PDZRN3: variants seen among roughly 807,000 people sequenced by gnomAD.
The protein encoded by PDZRN3 is E3 ubiquitin-protein ligase PDZRN3.
In PDZRN3, 38 loss-of-function variants were observed where a neutral mutation model predicts 85.7. That is an observed-to-expected ratio of 0.44 (90% CI 0.34 to 0.58). PDZRN3 has a LOEUF of 0.58. Among genes scored for constraint, PDZRN3 ranks in the 20% least tolerant of loss-of-function variants. The pLI is 0.01. For synonymous variants in PDZRN3, 759 were observed against 638.0 expected (o/e 1.19, Z -2.86); for missense variants, 1,629 against 1,506.4 (o/e 1.08, Z -1.35).
At chr3:73,613,387 G>GA (rs1702713164) in intron 1 of PDZRN3, among the ~76,000 whole-genome samples, 1 of 152,110 alleles carries the variant, frequency 6.6e-6, no homozygotes, top group Non-Finnish European at 1.5e-5. Flanking sequence ...AAGGGGAAGG[G>GA]AAACAGATTT....
chr3:73,419,531 T>G (rs1244132669), intron 3 of PDZRN3, among the ~76,000 whole-genome samples: 1 of 152,220 alleles, frequency 6.6e-6, no homozygotes, highest in East Asian at 1.9e-4. Context: ...ACGCGGTGTT[T>G]TTCTTTAGTT....
chr3:73,611,936 A>G (rs569039802), intron 1 of PDZRN3, among the ~76,000 whole-genome samples: 114 of 152,274 alleles, frequency 7.5e-4, no homozygotes, highest in African/African-American at 2.6e-3. Context: ...CATCCCACCA[A>G]TTGAAAAGAG....
chr3:73,383,981 G>A lies in PDZRN3; in HGVS notation c.2585C>T (p.Ser862Phe). ...SQKLGSAYLP[S>F]YHHSPYKHAH... ...GTGCTTGTATGGGGAGTGGTGATAG[G>A]AGGGCAGGTAGGCGCTGCCCAGCTT... The change falls in exon 10 of 10, where the codon TCC becomes TTC. Residue 862 changes from serine to phenylalanine, a missense_variant. By Grantham distance (155) the Ser-to-Phe change is radical (BLOSUM62 -2). Transcript: ENST00000263666. 5 of 1,593,976 alleles carry A rather than the reference G, an allele frequency of 3.1e-6. No individual in the cohort carries two copies. The highest frequency in any genetic ancestry group is 4.3e-6 in the Non-Finnish European group (5 of 1,171,598).
At chr3:73,437,748 T>A (rs1575653963) in intron 3 of PDZRN3, among the ~76,000 whole-genome samples, 1 of 152,318 alleles carries the variant, frequency 6.6e-6, no homozygotes, top group South Asian at 2.1e-4. Flanking sequence ...ACCCTTTACT[T>A]TGGAAAATCA....
intron 3 of PDZRN3, among the ~76,000 whole-genome samples, chr3:73,520,155 T>A (rs908128497): frequency 7.9e-5 from 12 of 152,126 alleles, no homozygotes; most frequent in African/African-American, 2.9e-4. Flanking sequence ...AACAGAGAGC[T>A]ATATCAAACT....
intron 3 of PDZRN3, among the ~76,000 whole-genome samples, chr3:73,484,269 AG>A (rs1703621850): frequency 6.6e-6 from 1 of 152,226 alleles, no homozygotes. Flanking sequence ...CATATACCTT[AG>A]GTTTGAGGTA....
At chr3:73,451,377 G>A (rs187144225) in intron 3 of PDZRN3, among the ~76,000 whole-genome samples, 11 of 152,224 alleles carry the variant, frequency 7.2e-5, no homozygotes, top group African/African-American at 2.6e-4. Context: ...AAGTCTTTTG[G>A]ATGCAAATAT....
At chr3:73,607,094 G>T (rs1702612247) in intron 2 of PDZRN3, among the ~76,000 whole-genome samples, 1 of 152,086 alleles carries the variant, frequency 6.6e-6, no homozygotes, top group African/African-American at 2.4e-5. Flanking sequence ...TCCAGGCCTT[G>T]TATGAGCGCC....
intron 3 of PDZRN3, among the ~76,000 whole-genome samples, chr3:73,557,950 A>G (rs1166626400): frequency 2.6e-5 from 4 of 152,202 alleles, no homozygotes; most frequent in African/African-American, 9.6e-5. Flanking sequence ...AAGAAAAAAC[A>G]CACCAAAATC....
chr3:73,386,847 A>ACTGT (rs10651337), intron 8 of PDZRN3, among the ~76,000 whole-genome samples: 8,635 of 114,862 alleles, frequency 0.075, 805 homozygotes, highest in African/African-American at 0.25. Context: ...CCCGTATGCC[A>ACTGT]CTGTCTGTCT....
chr3:73,610,439 T>C (rs1189161354), intron 1 of PDZRN3, among the ~76,000 whole-genome samples: 2 of 152,210 alleles, frequency 1.3e-5, no homozygotes, highest in Admixed American at 1.3e-4. Context: ...AACAAGTTAA[T>C]AGGCAATAAC....
At position 73,474,168 on chromosome 3, in the gene PDZRN3, C is replaced by T. The variant is rs892269977; in HGVS notation, c.919-69773G>A. Among the ~76,000 whole-genome samples the T allele has an allele frequency of 1.1e-4, 17 of 152,256 alleles. No homozygotes were observed. In the East Asian group the frequency reaches 2.9e-3, roughly 26 times the overall value. Reference sequence around the variant, plus strand: ...GGGAAAACACACATTAATTTTGCTCCCACTGCCACGTTGATAGGCACTTTC... The same window carrying T: ...GGGAAAACACACATTAATTTTGCTCTCACTGCCACGTTGATAGGCACTTTC... On this transcript the variant is annotated intron_variant, in intron 3 of 9. Transcript: ENST00000263666.
chr3:73,413,095 C>A (rs1197226362), intron 3 of PDZRN3, among the ~76,000 whole-genome samples: 2 of 152,186 alleles, frequency 1.3e-5, no homozygotes, highest in Non-Finnish European at 2.9e-5. Flanking sequence ...TGGCACAGTG[C>A]CCAATGTCAG....
At chr3:73,408,963 A>T (rs1701911017) in intron 3 of PDZRN3, among the ~76,000 whole-genome samples, 1 of 152,232 alleles carries the variant, frequency 6.6e-6, no homozygotes, top group African/African-American at 2.4e-5. Flanking sequence ...TGGCCCGGTC[A>T]AATTCAATAT....
At chr3:73,464,313 GA>G (rs1703167426) in intron 3 of PDZRN3, among the ~76,000 whole-genome samples, 1 of 152,140 alleles carries the variant, frequency 6.6e-6, no homozygotes, top group African/African-American at 2.4e-5. Context: ...GTAATTCCTA[GA>G]TACTTCATGG....
intron 3 of PDZRN3, among the ~76,000 whole-genome samples, chr3:73,584,942 G>A (rs1702257374): frequency 6.6e-6 from 1 of 151,980 alleles, no homozygotes; most frequent in Non-Finnish European, 1.5e-5. Flanking sequence ...AACTGCACTG[G>A]TTTTATCTTC....
At position 73,624,258 on chromosome 3, in the gene PDZRN3, G is replaced by A; in HGVS notation, c.568C>T (p.Arg190Cys). 5 of 1,440,778 alleles carry A rather than the reference G, an allele frequency of 3.5e-6. No homozygotes were observed. Among genetic ancestry groups the A allele is most frequent in the South Asian group, 1.4e-5 (1 of 71,008 alleles). The allele number at this position is 1,440,778 out of a possible 1,614,324, so 89.2% of individuals were successfully genotyped here. A position where few individuals can be genotyped will look rare whatever the true frequency, so the allele number is the denominator to read the frequency against. ...LHKALKKEAL[R>C]AGKREKSLVA... Reference sequence around the variant, plus strand: ...AGCGACTTCTCGCGCTTCCCAGCGCGCAGCGCCTCCTTCTTGAGCGCCTTG... The same window carrying A: ...AGCGACTTCTCGCGCTTCCCAGCGCACAGCGCCTCCTTCTTGAGCGCCTTG... Residue 190 changes from arginine to cysteine, a missense_variant, in exon 1 of 10, where the codon CGC becomes TGC. Coordinates refer to ENST00000263666, the MANE Select transcript of PDZRN3 (RefSeq NM_015009.3).
intron 3 of PDZRN3, among the ~76,000 whole-genome samples, chr3:73,561,212 G>A (rs1273305459): frequency 1.3e-5 from 2 of 152,146 alleles, no homozygotes; most frequent in African/African-American, 4.8e-5. Flanking sequence ...TAACTGTTTT[G>A]TTTTTACATT....
At chr3:73,423,679 T>C (rs1702247013) in intron 3 of PDZRN3, among the ~76,000 whole-genome samples, 1 of 152,176 alleles carries the variant, frequency 6.6e-6, no homozygotes, top group South Asian at 2.1e-4. Flanking sequence ...AAGAATGCTT[T>C]ATATATATAT....
Sources: gnomAD v4.1 joint callset for allele counts (sites outside exome capture counted in the v4.1 genomes callset) on GRCh38, gnomAD v4.1.1 for gene constraint, MANE v1.5 for transcripts, NCBI Gene and HGNC (gene_info 2026-07-23, HGNC 2026-07-21) for gene names.